Variants in TENM1 observed in about 807,000 individuals in gnomAD.
TENM1 encodes teneurin transmembrane protein 1.
In TENM1, 35 loss-of-function variants were observed where a neutral mutation model predicts 174.8. The observed-to-expected ratio is 0.20, with a 90% CI of 0.15 to 0.27. The LOEUF (loss-of-function observed/expected upper bound fraction) is 0.27. Ranked by LOEUF, TENM1 falls within the 10% of genes least tolerant of loss-of-function variation. TENM1 has a pLI of 1.00. For synonymous variants in TENM1, 781 were observed against 798.7 expected, an observed-to-expected ratio of 0.98 and a Z score of 0.37; for missense variants, 1,633 against 2,130.1, an observed-to-expected ratio of 0.77 and a Z score of 4.59.
chrX:125,190,236 A>G, the TENM1 span, among the ~76,000 whole-genome samples: 1 of 112,106 alleles, frequency 8.9e-6, no homozygotes, highest in Non-Finnish European at 1.9e-5. Flanking sequence ...CTTTCTGGCA[A>G]TATAGGCATT....
At chrX:124,829,396 T>C (rs1404134671) in intron 3 of TENM1, among the ~76,000 whole-genome samples, 4 of 112,426 alleles carry the variant, frequency 3.6e-5, no homozygotes, top group Non-Finnish European at 7.5e-5. Flanking sequence ...GGGAATTTAG[T>C]GCTGATGAAA....
Position 124,693,033 on chromosome X carries a change from A to G in TENM1, c.1015+11980T>C, listed in dbSNP as rs761643325. On this transcript the variant is annotated intron_variant, in intron 5 of 31. Transcript: ENST00000422452. ...CAAAAAAAAAAAAAAAAGAAAAAAA[A>G]AAAGAAAGAAAGAAAATGCTGCTCT... Among the ~76,000 whole-genome samples, 6 of 108,148 alleles carry G rather than the reference A, an allele frequency of 5.5e-5. No individual in the cohort carries two copies. The South Asian group carries it at 1.6e-3, about 29-fold the overall frequency. The allele number at this position is 108,148 out of a possible 115,157, so 93.9% of individuals were successfully genotyped here.
At chrX:124,692,313 C>T (rs1230453469) in intron 5 of TENM1, among the ~76,000 whole-genome samples, 5 of 110,871 alleles carry the variant, frequency 4.5e-5, no homozygotes, top group African/African-American at 1.6e-4. Flanking sequence ...AGATGAGGAT[C>T]GAAAAACTAC....
chrX:125,173,055 A>G, the TENM1 span, among the ~76,000 whole-genome samples: 2 of 111,480 alleles, frequency 1.8e-5, no homozygotes, highest in African/African-American at 6.5e-5. Flanking sequence ...CAACATCTCT[A>G]AGGACAGGAT....
intron 3 of TENM1, among the ~76,000 whole-genome samples, chrX:124,834,045 C>T (rs1603236832): frequency 1.8e-5 from 2 of 111,429 alleles, no homozygotes; most frequent in Middle Eastern, 4.6e-3. Flanking sequence ...CAGTCATGCC[C>T]CCCGCCATGC....
chrX:124,533,839 C>T (rs1042623240), intron 15 of TENM1, among the ~76,000 whole-genome samples: 6 of 111,292 alleles, frequency 5.4e-5, no homozygotes, highest in Admixed American at 9.6e-5. Flanking sequence ...GTCTTGTGTA[C>T]GCTCAACGGC....
chrX:124,747,045 G>C (rs1449912607), intron 3 of TENM1, among the ~76,000 whole-genome samples: 1 of 109,254 alleles, frequency 9.2e-6, no homozygotes. Flanking sequence ...CTAGCTACTC[G>C]GGAGGCTGAG....
chrX:124,995,934 T>G, the TENM1 span, among the ~76,000 whole-genome samples: 1 of 111,076 alleles, frequency 9.0e-6, no homozygotes, highest in Non-Finnish European at 1.9e-5. Flanking sequence ...ACTAAGTTGT[T>G]ACTCATTTGG....
At chrX:124,631,093 A>G (rs2050745093) in intron 11 of TENM1, among the ~76,000 whole-genome samples, 1 of 111,955 alleles carries the variant, frequency 8.9e-6, no homozygotes, top group Non-Finnish European at 1.9e-5. Context: ...GAATGCAATT[A>G]ATATCCAAGA....
the TENM1 span, among the ~76,000 whole-genome samples, chrX:125,128,557 C>T: frequency 4.5e-5 from 5 of 111,407 alleles, no homozygotes; most frequent in African/African-American, 1.3e-4. Context: ...GGTCACGTGG[C>T]ACTGCTAAGC....
the TENM1 span, among the ~76,000 whole-genome samples, chrX:124,986,735 G>A: frequency 5.4e-5 from 6 of 110,698 alleles, no homozygotes; most frequent in Non-Finnish European, 1.1e-4. Flanking sequence ...TTCACCTCCC[G>A]GGTCCAAGCA....
At chrX:125,078,251 A>G in the TENM1 span, among the ~76,000 whole-genome samples, 1 of 111,876 alleles carries the variant, frequency 8.9e-6, no homozygotes, top group African/African-American at 3.2e-5. Context: ...AAGTTGTCAC[A>G]TGGTTACTGA....
At chrX:124,989,342 C>T in the TENM1 span, among the ~76,000 whole-genome samples, 1 of 111,262 alleles carries the variant, frequency 9.0e-6, no homozygotes, top group Middle Eastern at 4.6e-3. Context: ...ACTGCAAAGA[C>T]CTCAATGCTA....
intron 4 of TENM1, among the ~76,000 whole-genome samples, chrX:124,724,868 A>AT (rs2053409295): frequency 9.0e-6 from 1 of 111,645 alleles, no homozygotes; most frequent in Non-Finnish European, 1.9e-5. Flanking sequence ...TGGCAGGGTG[A>AT]TTAGGCCATG....
intron 29 of TENM1, 75 bp downstream of exon 32, chrX:124,385,602 C>T: frequency 1.0e-6 from 1 of 999,582 alleles, no homozygotes; most frequent in Non-Finnish European, 1.3e-6. Flanking sequence ...GCTTCTATCT[C>T]ACACTGTGGT....
At chrX:124,499,084 A>G (rs1245040635) in intron 19 of TENM1, among the ~76,000 whole-genome samples, 1 of 111,810 alleles carries the variant, frequency 8.9e-6, no homozygotes, top group Non-Finnish European at 1.9e-5. Context: ...AGGCATGCCC[A>G]TGTGTCAGAC....
At chrX:125,107,586 C>G in the TENM1 span, among the ~76,000 whole-genome samples, 1 of 111,874 alleles carries the variant, frequency 8.9e-6, no homozygotes, top group African/African-American at 3.3e-5. Flanking sequence ...AAGCCTCTCA[C>G]AGGTACTTCA....
intron 3 of TENM1, among the ~76,000 whole-genome samples, chrX:124,740,776 T>C (rs1330029459): frequency 3.6e-5 from 4 of 111,223 alleles, no homozygotes; most frequent in African/African-American, 1.3e-4. Flanking sequence ...ATCCATGAAA[T>C]GGGATTTCCC....
At chrX:124,556,551 C>T (rs181078310) in intron 14 of TENM1, among the ~76,000 whole-genome samples, 1 of 111,933 alleles carries the variant, frequency 8.9e-6, no homozygotes, top group Admixed American at 9.5e-5. Context: ...GACAATGCTC[C>T]TGCTCATTCC....
Sources: allele counts gnomAD v4.1 joint callset (sites outside exome capture counted in the v4.1 genomes callset), GRCh38; gene constraint gnomAD v4.1.1; transcripts MANE v1.5; gene names NCBI Gene and HGNC (gene_info 2026-07-23, HGNC 2026-07-21).